Variants in BTBD9 observed in about 807,000 individuals in gnomAD.
BTBD9 encodes the protein BTB/POZ domain-containing protein 9.
BTBD9 carries 49 observed loss-of-function variants against 64.3 expected under a neutral mutation model. That is an observed-to-expected ratio of 0.76 (90% CI 0.61 to 0.97). BTBD9 has a LOEUF of 0.97. Among genes scored for constraint, BTBD9 ranks in the 50% least tolerant of loss-of-function variants. BTBD9 has a pLI of 0.00. For synonymous variants in BTBD9, 260 were observed against 274.7 expected, an observed-to-expected ratio of 0.95 and a Z score of 0.53; for missense variants, 598 against 762.1, an observed-to-expected ratio of 0.78 and a Z score of 2.53.
intron 6 of BTBD9, among the ~76,000 whole-genome samples, chr6:38,437,099 T>C (rs1455100122): frequency 6.6e-6 from 1 of 152,154 alleles, no homozygotes; most frequent in Non-Finnish European, 1.5e-5. Flanking sequence ...TAATACAAAT[T>C]ACAATAAACC....
intron 8 of BTBD9, among the ~76,000 whole-genome samples, chr6:38,279,230 T>C (rs1008416356): frequency 6.6e-6 from 1 of 152,084 alleles, no homozygotes; most frequent in Non-Finnish European, 1.5e-5. Context: ...CAAGCATGTT[T>C]TGGTCAAGTG....
At chr6:38,360,412 A>C (rs959803708) in intron 6 of BTBD9, among the ~76,000 whole-genome samples, 8 of 152,190 alleles carry the variant, frequency 5.3e-5, no homozygotes, top group African/African-American at 1.7e-4. Flanking sequence ...TAGGCACTAG[A>C]TATGAAAAAA....
At chr6:38,434,604 G>A (rs1768624028) in intron 6 of BTBD9, among the ~76,000 whole-genome samples, 1 of 151,930 alleles carries the variant, frequency 6.6e-6, no homozygotes, top group Non-Finnish European at 1.5e-5. Flanking sequence ...CCTGAGGGCT[G>A]TGTCACGGGC....
chr6:38,191,093 T>C (rs1352997066), intron 10 of BTBD9, among the ~76,000 whole-genome samples: 1 of 152,248 alleles, frequency 6.6e-6, no homozygotes, highest in East Asian at 1.9e-4. Flanking sequence ...CTTGAATTTT[T>C]CTTTAGAAAA....
chr6:38,570,543 A>ACC (rs1257921617), intron 6 of BTBD9, among the ~76,000 whole-genome samples: 2 of 152,126 alleles, frequency 1.3e-5, no homozygotes, highest in East Asian at 3.8e-4. Context: ...AGGTCCTGTA[A>ACC]CCTCATTTCT....
chr6:38,505,980 A>AAAAAAAAAAAAAAAAG (rs1772487046), intron 6 of BTBD9, among the ~76,000 whole-genome samples: 1 of 150,616 alleles, frequency 6.6e-6, no homozygotes, highest in African/African-American at 2.4e-5. Context: ...AAAAAAAAAA[A>AAAAAAAAAAAAAAAAG]AAAAGGAACT....
chr6:38,600,807 C>T (rs1232445043), intron 1 of BTBD9, among the ~76,000 whole-genome samples: 1 of 152,108 alleles, frequency 6.6e-6, no homozygotes, highest in Non-Finnish European at 1.5e-5. Flanking sequence ...ATTAATATTA[C>T]ATATGTATCT....
chr6:38,205,839 G>A (rs1289180271), intron 9 of BTBD9, among the ~76,000 whole-genome samples: 2 of 127,202 alleles, frequency 1.6e-5, no homozygotes, highest in Non-Finnish European at 1.6e-5. Context: ...AGCCAACACT[G>A]TGCCACTGCA....
chr6:38,432,287 T>C (rs1768476456), intron 6 of BTBD9, among the ~76,000 whole-genome samples: 1 of 152,056 alleles, frequency 6.6e-6, no homozygotes, highest in Non-Finnish European at 1.5e-5. Context: ...GCAAAGATCA[T>C]GACAGTGAGA....
chr6:38,535,701 C>A (rs1773995698), intron 6 of BTBD9, among the ~76,000 whole-genome samples: 1 of 151,994 alleles, frequency 6.6e-6, no homozygotes. Context: ...CAGAACAAAT[C>A]CACACACCTA....
intron 6 of BTBD9, among the ~76,000 whole-genome samples, chr6:38,376,096 C>T (rs1765687958): frequency 6.6e-6 from 1 of 152,162 alleles, no homozygotes; most frequent in Non-Finnish European, 1.5e-5. Context: ...TCCCTTGCTG[C>T]TTAATGAGTA....
intron 6 of BTBD9, among the ~76,000 whole-genome samples, chr6:38,535,187 A>G (rs1278083042): frequency 6.6e-6 from 1 of 152,152 alleles, no homozygotes; most frequent in Non-Finnish European, 1.5e-5. Context: ...AAATCAACAT[A>G]CAAAAATCAG....
chr6:38,420,456 T>C (rs1767852140), intron 6 of BTBD9, among the ~76,000 whole-genome samples: 1 of 152,198 alleles, frequency 6.6e-6, no homozygotes, highest in African/African-American at 2.4e-5. Context: ...TGTTTCTCAC[T>C]TGTTAAATCC....
At chr6:38,245,138 T>A (rs944687798) in intron 9 of BTBD9, among the ~76,000 whole-genome samples, 28 of 152,232 alleles carry the variant, frequency 1.8e-4, no homozygotes, top group African/African-American at 6.8e-4. Context: ...GCTAGGCTAC[T>A]ACTATGGATC....
At position 38,199,876 on chromosome 6, in the gene BTBD9, G is replaced by A. The variant is rs184449381; in HGVS notation, c.1563-7279C>T. The stretch of plus-strand genomic sequence containing the variant: ...GCCTAACATTTAAAGGGGAATGGGG[G>A]CAAGAAAAGCCTGGGCTGCTGCCCC... On this transcript the variant is annotated intron_variant, in intron 9 of 10. Coordinates refer to ENST00000481247, the MANE Select transcript of BTBD9 (RefSeq NM_001099272.2). Among the ~76,000 whole-genome samples the A allele has an allele frequency of 2.7e-4, 41 of 152,354 alleles. No individual in the cohort carries two copies. In the East Asian group the frequency reaches 7.7e-3, roughly 29 times the overall value.
chr6:38,176,856 T>C (rs1185558406), intron 10 of BTBD9, among the ~76,000 whole-genome samples: 2 of 152,224 alleles, frequency 1.3e-5, no homozygotes. Flanking sequence ...ACTTGCCTTA[T>C]AAGTGTTCCT....
intron 1 of BTBD9, 58 bp from the exon 2 acceptor site, chr6:38,598,179 C>T: frequency 1.5e-6 from 2 of 1,330,794 alleles, no homozygotes; most frequent in Non-Finnish European, 1.0e-6. Context: ...CATAGAAAAT[C>T]ACTTACCATA....
chr6:38,395,139 G>C (rs1380928625), intron 6 of BTBD9, among the ~76,000 whole-genome samples: 2 of 152,084 alleles, frequency 1.3e-5, no homozygotes, highest in Non-Finnish European at 2.9e-5. Context: ...CCTTATAAAA[G>C]AGGCCAGAGA....
In BTBD9 at chr6:38,588,440, G is replaced by A. The variant is rs1021338899; in HGVS notation, c.814+4136C>T. Reference sequence around the variant, plus strand: ...TCAAGTTTTACTTCACTTCCTGTAAGTAGCATGACCCCTCCTCCAACTGGG... The same window carrying A: ...TCAAGTTTTACTTCACTTCCTGTAAATAGCATGACCCCTCCTCCAACTGGG... On this transcript the variant is annotated intron_variant, in intron 4 of 10. Coordinates refer to ENST00000481247, the MANE Select transcript of BTBD9 (RefSeq NM_001099272.2). 6 of 817,440 alleles carry A rather than the reference G, an allele frequency of 7.3e-6. No individual in the cohort carries two copies. The African/African-American group carries it at 8.4e-5, about 11-fold the overall frequency. The allele number at this position is 817,440 out of a possible 1,614,324, so 50.6% of individuals were successfully genotyped here.
Sources: gnomAD v4.1 joint callset for allele counts (sites outside exome capture counted in the v4.1 genomes callset) on GRCh38, gnomAD v4.1.1 for gene constraint, MANE v1.5 for transcripts, NCBI Gene and HGNC (gene_info 2026-07-23, HGNC 2026-07-21) for gene names.